Variants in ROBO1 observed in about 807,000 individuals in gnomAD.
ROBO1 encodes the protein roundabout guidance receptor 1.
In ROBO1, 149 loss-of-function variants were observed where a neutral mutation model predicts 195.9. The observed-to-expected ratio is 0.76, with a 90% confidence interval of 0.67 to 0.87. ROBO1 has a LOEUF of 0.87. ROBO1 is among the 40% of genes least tolerant of loss of function. The pLI, the probability that ROBO1 is intolerant of heterozygous loss-of-function variation, is 0.00. For missense variants in ROBO1, 1,933 were observed against 2,068.3 expected (o/e 0.93, Z 1.27); for synonymous variants, 816 against 733.2 (o/e 1.11, Z -1.82).
At chr3:78,860,326 A>ATATTT (rs376853384) in intron 4 of ROBO1, among the ~76,000 whole-genome samples, 10,976 of 93,352 alleles carry the variant, frequency 0.12, 787 homozygotes, top group Non-Finnish European at 0.14. Flanking sequence ...ATATATATAT[A>ATATTT]TTTTTTTTTT....
At chr3:78,720,957 G>T (rs375718344) in intron 5 of ROBO1, among the ~76,000 whole-genome samples, 4 of 151,134 alleles carry the variant, frequency 2.6e-5, no homozygotes, top group African/African-American at 2.5e-5. Context: ...GGTTGGGGGG[G>T]GGGCGGTGGA....
intron 1 of ROBO1, among the ~76,000 whole-genome samples, chr3:79,702,127 A>G (rs1947639450): frequency 6.6e-6 from 1 of 151,874 alleles, no homozygotes; most frequent in Admixed American, 6.6e-5. Flanking sequence ...TGATATAAAA[A>G]TCACACCATC....
chr3:79,185,988 C>T (rs1053248715), intron 2 of ROBO1, among the ~76,000 whole-genome samples: 1 of 152,040 alleles, frequency 6.6e-6, no homozygotes, highest in Admixed American at 6.6e-5. Flanking sequence ...AGAATATATT[C>T]AACCTGGAGT....
intron 2 of ROBO1, among the ~76,000 whole-genome samples, chr3:79,175,335 G>T (rs1403219670): frequency 1.3e-5 from 2 of 152,054 alleles, no homozygotes; most frequent in African/African-American, 4.8e-5. Context: ...TAATAGAAAT[G>T]GGGTCTTACT....
intron 8 of ROBO1, among the ~76,000 whole-genome samples, chr3:78,711,738 C>T (rs1055495526): frequency 5.3e-5 from 8 of 151,122 alleles, no homozygotes; most frequent in Non-Finnish European, 1.2e-4. Context: ...ATCTGACCAC[C>T]TCGGCCTCCC....
At chr3:79,675,321 A>G (rs1418245221) in intron 1 of ROBO1, among the ~76,000 whole-genome samples, 3 of 152,054 alleles carry the variant, frequency 2.0e-5, no homozygotes, top group African/African-American at 7.2e-5. Context: ...AAAGAAAGCA[A>G]AAGTATGTCT....
rs1190729440 is a variant in ROBO1, at chr3:79,174,831, G to C, written c.89-49292C>G. 2.7e-5 allele frequency among the ~76,000 whole-genome samples: 4 copies of C among 150,458 alleles called. No homozygotes were observed. The East Asian group carries it at 7.8e-4, about 29-fold the overall frequency. ...AGATTGCGCCACTGCACTTCAGTCT[G>C]GGGGAGGGAGCAAGACTCCGCCTCA... On this transcript the variant is annotated intron_variant, in intron 2 of 30. Transcript: ENST00000464233.
At chr3:79,628,149 A>T (rs1027604487) in intron 1 of ROBO1, among the ~76,000 whole-genome samples, 1 of 152,204 alleles carries the variant, frequency 6.6e-6, no homozygotes, top group Non-Finnish European at 1.5e-5. Context: ...TACCCAAAGG[A>T]ATATAAGTCA....
chr3:79,087,454 T>G (rs1487520740), intron 3 of ROBO1, among the ~76,000 whole-genome samples: 1 of 152,112 alleles, frequency 6.6e-6, no homozygotes, highest in East Asian at 1.9e-4. Context: ...TTTCTTTCTC[T>G]CAAATAAAGT....
chr3:79,200,788 A>C (rs1435295423), intron 2 of ROBO1, among the ~76,000 whole-genome samples: 1 of 151,994 alleles, frequency 6.6e-6, no homozygotes, highest in Non-Finnish European at 1.5e-5. Flanking sequence ...AGAAAAACAC[A>C]TTTTAGACAA....
chr3:79,170,822 A>G (rs1471299364), intron 2 of ROBO1, among the ~76,000 whole-genome samples: 1 of 152,094 alleles, frequency 6.6e-6, no homozygotes, highest in African/African-American at 2.4e-5. Context: ...CTCTTCATCA[A>G]CTTTATTTGC....
intron 4 of ROBO1, among the ~76,000 whole-genome samples, chr3:78,935,868 G>C (rs773398021): frequency 3.3e-5 from 5 of 151,866 alleles, no homozygotes; most frequent in Non-Finnish European, 7.4e-5. Context: ...AAAAATGTTA[G>C]AGATAAAAAC....
rs566542280 is a variant in ROBO1 at position 79,081,483 on chromosome 3, T to C, written c.172+43973A>G. Among the ~76,000 whole-genome samples, 21 of 152,306 alleles carry C rather than the reference T, an allele frequency of 1.4e-4. No individual in the cohort carries two copies. In the East Asian group the frequency reaches 2.9e-3, roughly 21 times the overall value. ...TGAATACACAATACCGAGCTTTGTC[T>C]GTTCGGGGCTTCTGTTGAGGGAGAA... On this transcript the variant is annotated intron_variant, in intron 3 of 30. Transcript: ENST00000464233.
intron 1 of ROBO1, among the ~76,000 whole-genome samples, chr3:79,726,937 T>C (rs989166120): frequency 6.6e-6 from 1 of 152,196 alleles, no homozygotes; most frequent in African/African-American, 2.4e-5. Context: ...GTAAGCACCA[T>C]CTCATAGTCT....
intron 1 of ROBO1, among the ~76,000 whole-genome samples, chr3:79,698,251 A>G (rs1354539924): frequency 6.6e-6 from 1 of 151,536 alleles, no homozygotes; most frequent in Non-Finnish European, 1.5e-5. Context: ...TAGTAGCAAT[A>G]AATAATGGAA....
chr3:79,166,056 T>C lies in ROBO1; in HGVS notation c.89-40517A>G, dbSNP rs1033081710. Among the ~76,000 whole-genome samples the C allele has an allele frequency of 1.5e-4, 23 of 152,166 alleles. 1 individual carries two copies. Among genetic ancestry groups the C allele is most frequent in the African/African-American group, 5.1e-4 (21 of 41,424 alleles). ...CTGTCCTACAGATTACAGACTTGCC[T>C]AGCCACCCCCAACAATAGCGCAAAC... On this transcript the variant is annotated intron_variant, in intron 2 of 30. Transcript: ENST00000464233.
intron 4 of ROBO1, among the ~76,000 whole-genome samples, chr3:78,805,172 T>G (rs1423692658): frequency 1.3e-5 from 2 of 152,210 alleles, no homozygotes; most frequent in African/African-American, 4.8e-5. Context: ...CAATTAATAC[T>G]TTCTCACTAG....
chr3:79,702,685 G>A (rs1230418129), intron 1 of ROBO1, among the ~76,000 whole-genome samples: 5 of 151,970 alleles, frequency 3.3e-5, no homozygotes, highest in African/African-American at 9.6e-5. Flanking sequence ...ACCCAAGTTC[G>A]CACAACTAGT....
intron 1 of ROBO1, among the ~76,000 whole-genome samples, chr3:79,682,156 G>A (rs1372706759): frequency 1.3e-5 from 2 of 151,654 alleles, no homozygotes; most frequent in South Asian, 2.1e-4. Flanking sequence ...AATTCCTAAC[G>A]GGCATATAGA....
Sources: allele counts gnomAD v4.1 joint callset (sites outside exome capture counted in the v4.1 genomes callset), GRCh38; gene constraint gnomAD v4.1.1; transcripts MANE v1.5; gene names NCBI Gene and HGNC (gene_info 2026-07-23, HGNC 2026-07-21).